The following RBFOX1 variants were observed in gnomAD, a reference collection of about 807,000 sequenced individuals.
RBFOX1 encodes RNA binding fox-1 homolog 1, also known as RNA binding protein fox-1 homolog 1.
In RBFOX1, 8 loss-of-function variants were observed where a neutral mutation model predicts 57.7. That is an observed-to-expected ratio of 0.14 (90% CI 0.08 to 0.25). RBFOX1 has a LOEUF of 0.25. RBFOX1 is among the 10% of genes least tolerant of loss of function. RBFOX1 has a pLI of 1.00. For synonymous variants in RBFOX1, 326 were observed against 222.4 expected (o/e 1.47, Z -4.15); for missense variants, 611 against 548.5 (o/e 1.11, Z -1.14).
chr16:5,819,567 T>G (rs1439415515), intron 3 of RBFOX1, among the ~76,000 whole-genome samples: 3 of 152,232 alleles, frequency 2.0e-5, no homozygotes, highest in African/African-American at 7.2e-5. Context: ...AGGTTCTTTC[T>G]GACCTGGGTC....
intron 4 of RBFOX1, among the ~76,000 whole-genome samples, chr16:7,242,911 C>T (rs558778124): frequency 6.6e-6 from 1 of 152,286 alleles, no homozygotes; most frequent in African/African-American, 2.4e-5. Flanking sequence ...ACATTTTCAT[C>T]CTGCATATGG....
chr16:5,379,209 A>T (rs993482869), intron 1 of RBFOX1, among the ~76,000 whole-genome samples: 1 of 151,680 alleles, frequency 6.6e-6, no homozygotes, highest in Non-Finnish European at 1.5e-5. Context: ...CAGTGAATTT[A>T]AGTCTAAAAT....
At chr16:7,259,311 C>T (rs570365203) in intron 4 of RBFOX1, among the ~76,000 whole-genome samples, 16 of 152,134 alleles carry the variant, frequency 1.1e-4, no homozygotes, top group Non-Finnish European at 1.8e-4. Context: ...AAACACCTTC[C>T]CCTCTCAGGC....
At chr16:6,537,251 C>T (rs1010435493) in intron 2 of RBFOX1, among the ~76,000 whole-genome samples, 12 of 152,072 alleles carry the variant, frequency 7.9e-5, no homozygotes, top group African/African-American at 2.7e-4. Flanking sequence ...GATGCCGGTT[C>T]GTGCACCAGA....
At chr16:6,973,815 A>T (rs1033689743) in intron 3 of RBFOX1, among the ~76,000 whole-genome samples, 1 of 152,014 alleles carries the variant, frequency 6.6e-6, no homozygotes, top group African/African-American at 2.4e-5. Flanking sequence ...CATGTGCAGG[A>T]TGTGTAGGTT....
chr16:7,310,016 AG>A (rs1223811200), intron 4 of RBFOX1, among the ~76,000 whole-genome samples: 1 of 152,176 alleles, frequency 6.6e-6, no homozygotes, highest in East Asian at 1.9e-4. Flanking sequence ...TGCCGGGCTG[AG>A]CGTTGGCCCG....
intron 4 of RBFOX1, among the ~76,000 whole-genome samples, chr16:7,443,372 C>T (rs138291558): frequency 3.3e-5 from 5 of 151,964 alleles, no homozygotes; most frequent in Non-Finnish European, 4.4e-5. Flanking sequence ...CTCACACACT[C>T]TCTTTCACAT....
At chr16:5,563,105 A>G (rs2045945693) in intron 2 of RBFOX1, among the ~76,000 whole-genome samples, 1 of 152,078 alleles carries the variant, frequency 6.6e-6, no homozygotes, top group Non-Finnish European at 1.5e-5. Flanking sequence ...ACCCGCCACC[A>G]TGTCTGGCTA....
intron 4 of RBFOX1, among the ~76,000 whole-genome samples, chr16:5,921,066 C>T (rs1167176760): frequency 6.6e-6 from 1 of 152,162 alleles, no homozygotes; most frequent in Non-Finnish European, 1.5e-5. Flanking sequence ...GGGAATCTAA[C>T]TTAGCCCTTC....
chr16:7,061,022 C>CTCTGTG (rs1555834687), intron 4 of RBFOX1, among the ~76,000 whole-genome samples: 3 of 150,520 alleles, frequency 2.0e-5, no homozygotes, highest in Non-Finnish European at 4.4e-5. Flanking sequence ...GTATGTTCTC[C>CTCTGTG]TGTGTGTGTG....
chr16:6,493,250 G>A (rs2095675554), intron 2 of RBFOX1, among the ~76,000 whole-genome samples: 1 of 152,124 alleles, frequency 6.6e-6, no homozygotes, highest in South Asian at 2.1e-4. Context: ...TCACAGTTAT[G>A]TTTTGGTTGA....
intron 3 of RBFOX1, among the ~76,000 whole-genome samples, chr16:6,740,259 T>A (rs2071651275): frequency 6.6e-6 from 1 of 152,156 alleles, no homozygotes; most frequent in Non-Finnish European, 1.5e-5. Context: ...ATAACAGTTT[T>A]CTTAACTCGA....
intron 3 of RBFOX1, among the ~76,000 whole-genome samples, chr16:5,801,189 C>A (rs1404102485): frequency 6.6e-6 from 1 of 152,128 alleles, no homozygotes; most frequent in Non-Finnish European, 1.5e-5. Context: ...AACTCCTGAC[C>A]TTCTATGTAG....
At chr16:7,081,600 C>A (rs1252068295) in intron 4 of RBFOX1, among the ~76,000 whole-genome samples, 1 of 152,126 alleles carries the variant, frequency 6.6e-6, no homozygotes, top group Admixed American at 6.6e-5. Context: ...TTAATTTGTT[C>A]ATTGACTCAG....
intron 1 of RBFOX1, among the ~76,000 whole-genome samples, chr16:5,403,404 C>A (rs1279272621): frequency 1.3e-5 from 2 of 151,204 alleles, no homozygotes; most frequent in Non-Finnish European, 2.9e-5. Flanking sequence ...AAAACCCTTG[C>A]TATATGTAAT....
At chr16:6,870,900 A>C (rs1011231425) in intron 3 of RBFOX1, among the ~76,000 whole-genome samples, 4 of 152,186 alleles carry the variant, frequency 2.6e-5, no homozygotes, top group African/African-American at 9.7e-5. Flanking sequence ...AAACTCATTT[A>C]TAAAGAGAAT....
intron 2 of RBFOX1, among the ~76,000 whole-genome samples, chr16:5,478,519 A>G (rs77951518): frequency 0.013 from 1,981 of 152,346 alleles, 16 homozygotes; most frequent in Non-Finnish European, 0.021. Flanking sequence ...AATTAAACAC[A>G]TACACATAAA....
chr16:7,056,031 G>C (rs1335494240), intron 4 of RBFOX1, among the ~76,000 whole-genome samples: 1 of 152,068 alleles, frequency 6.6e-6, no homozygotes, highest in Non-Finnish European at 1.5e-5. Flanking sequence ...CATTGTCTTT[G>C]TATTTTGCCT....
intron 1 of RBFOX1, among the ~76,000 whole-genome samples, chr16:6,146,105 C>T (rs1255034481): frequency 6.6e-6 from 1 of 152,128 alleles, no homozygotes; most frequent in African/African-American, 2.4e-5. Context: ...CTTACGTAGC[C>T]TGAAGCACCT....
Sources: gnomAD v4.1 joint callset for allele counts (sites outside exome capture counted in the v4.1 genomes callset) on GRCh38, gnomAD v4.1.1 for gene constraint, MANE v1.5 for transcripts, NCBI Gene and HGNC (gene_info 2026-07-23, HGNC 2026-07-21) for gene names.